The following CPA6 variants were observed in gnomAD, a reference collection of about 807,000 sequenced individuals.
CPA6 encodes the protein carboxypeptidase B.
CPA6 carries 58 observed loss-of-function variants against 63.3 expected under a neutral mutation model. The ratio of observed to expected loss-of-function variants is 0.92; its 90% CI spans 0.74 to 1.14. The LOEUF (loss-of-function observed/expected upper bound fraction) is 1.14, where lower values mean the gene tolerates loss of function less well. Among genes scored for constraint, CPA6 ranks in the 50% most tolerant of loss-of-function variants. The pLI is 0.00. For synonymous variants in CPA6, 185 were observed against 179.0 expected, an observed-to-expected ratio of 1.03 and a Z score of -0.27; for missense variants, 565 against 526.6, an observed-to-expected ratio of 1.07 and a Z score of -0.71.
In CPA6 at chr8:67,687,486, C is replaced by A. The variant is rs188486918; in HGVS notation, c.116+58528G>T. Among the ~76,000 whole-genome samples the A allele has an allele frequency of 3.3e-5, 5 of 152,272 alleles. No homozygotes were observed. The East Asian group carries it at 9.6e-4, about 29-fold the overall frequency. On this transcript the variant is annotated intron_variant, in intron 1 of 10. Coordinates refer to ENST00000297770, the MANE Select transcript of CPA6 (RefSeq NM_020361.5). ...GGTCAGGCAGACATGGACTCATATG[C>A]AATTTTTGCTGTTTATCAGTCCTGG...
At chr8:67,503,643 T>C (rs1811873204) in intron 6 of CPA6, among the ~76,000 whole-genome samples, 1 of 152,060 alleles carries the variant, frequency 6.6e-6, no homozygotes, top group Admixed American at 6.6e-5. Flanking sequence ...CCATTAGTTA[T>C]TTAAAAATAC....
At chr8:67,561,793 G>T (rs776516868) in intron 2 of CPA6, among the ~76,000 whole-genome samples, 1 of 152,186 alleles carries the variant, frequency 6.6e-6, no homozygotes, top group Non-Finnish European at 1.5e-5. Flanking sequence ...AAAGAATTCA[G>T]CATGATGGGG....
At chr8:67,458,387 G>A (rs1037706328) in intron 8 of CPA6, among the ~76,000 whole-genome samples, 2 of 152,038 alleles carry the variant, frequency 1.3e-5, no homozygotes, top group African/African-American at 4.8e-5. Flanking sequence ...TAGTAGAGAT[G>A]GGGTTTCACC....
At chr8:67,451,645 G>A (rs759421610) in intron 8 of CPA6, among the ~76,000 whole-genome samples, 1 of 152,130 alleles carries the variant, frequency 6.6e-6, no homozygotes, top group African/African-American at 2.4e-5. Flanking sequence ...CTGGTCCCTG[G>A]TGCCACAAAG....
chr8:67,676,916 A>C (rs1291520815), intron 1 of CPA6, among the ~76,000 whole-genome samples: 1 of 152,142 alleles, frequency 6.6e-6, no homozygotes, highest in African/African-American at 2.4e-5. Context: ...CTTCCTCAAA[A>C]CTTGGGAAAA....
intron 2 of CPA6, among the ~76,000 whole-genome samples, chr8:67,609,051 T>C (rs1277580526): frequency 6.6e-6 from 1 of 152,224 alleles, no homozygotes; most frequent in Non-Finnish European, 1.5e-5. Flanking sequence ...TGTACATGTG[T>C]CACTCTATGG....
At chr8:67,595,551 C>A (rs1053102032) in intron 2 of CPA6, among the ~76,000 whole-genome samples, 3 of 152,202 alleles carry the variant, frequency 2.0e-5, no homozygotes, top group African/African-American at 7.2e-5. Flanking sequence ...TCGAGCTTCC[C>A]GGCTGCTTTG....
chr8:67,709,412 T>C (rs1817205361), intron 1 of CPA6, among the ~76,000 whole-genome samples: 1 of 152,254 alleles, frequency 6.6e-6, no homozygotes, highest in South Asian at 2.1e-4. Context: ...CTCTGCCTTA[T>C]GTCCCTTGGA....
intron 2 of CPA6, among the ~76,000 whole-genome samples, chr8:67,540,097 T>C (rs1381237812): frequency 6.6e-6 from 1 of 152,186 alleles, no homozygotes; most frequent in Non-Finnish European, 1.5e-5. Context: ...TTTTGGAATT[T>C]TCAGCTTTTT....
At chr8:67,592,355 G>T (rs1483206319) in intron 2 of CPA6, among the ~76,000 whole-genome samples, 13 of 152,066 alleles carry the variant, frequency 8.5e-5, no homozygotes, top group African/African-American at 1.7e-4. Context: ...TCTCTTTTTT[G>T]GTTGTGTCTC....
At chr8:67,667,182 G>A (rs1816249660) in intron 1 of CPA6, among the ~76,000 whole-genome samples, 1 of 152,182 alleles carries the variant, frequency 6.6e-6, no homozygotes, top group Non-Finnish European at 1.5e-5. Flanking sequence ...TGACCTTTGA[G>A]AAAGAAATCA....
At position 67,484,675 on chromosome 8, in the gene CPA6, T is replaced by C. The variant is rs1811436335; in HGVS notation, c.747+4A>G. 1 of 1,479,232 alleles carries C rather than the reference T, an allele frequency of 6.8e-7. No individual in the cohort carries two copies. Among genetic ancestry groups the C allele is most frequent in the Admixed American group, 1.7e-5 (1 of 58,546 alleles). 91.6% of individuals were successfully genotyped at this position (1,479,232 alleles called of 1,614,324 possible). On this transcript the variant is annotated splice_donor_region_variant and intron_variant, in intron 7 of 10. Transcript: ENST00000297770. The stretch of plus-strand genomic sequence containing the variant: ...TTTTCAACTGGGTAGGCAAAGTGAC[T>C]TACATTGGTCCAACTAAAATGGTAT...
At chr8:67,631,626 A>C (rs572096896) in intron 1 of CPA6, among the ~76,000 whole-genome samples, 4 of 152,224 alleles carry the variant, frequency 2.6e-5, no homozygotes, top group Admixed American at 6.5e-5. Context: ...AGGGAATAAA[A>C]GCAGGCTGTG....
intron 6 of CPA6, among the ~76,000 whole-genome samples, chr8:67,498,075 G>GGTTTAAGT (rs1811758734): frequency 6.6e-6 from 1 of 151,992 alleles, no homozygotes; most frequent in Non-Finnish European, 1.5e-5. Flanking sequence ...CCCATTCTCA[G>GGTTTAAGT]GTTTAAGTCT....
intron 9 of CPA6, among the ~76,000 whole-genome samples, chr8:67,431,871 G>A (rs16933301): frequency 0.017 from 2,512 of 152,206 alleles, 25 homozygotes; most frequent in East Asian, 0.062. Context: ...CCCTCCACAA[G>A]TCTTAGACAT....
At chr8:67,607,248 T>C (rs192046511) in intron 2 of CPA6, among the ~76,000 whole-genome samples, 1,616 of 83,342 alleles carry the variant, frequency 0.019, 178 homozygotes, top group African/African-American at 0.036. Context: ...TTCTTCTTCT[T>C]CTTCTCCTCC....
At chr8:67,598,025 C>T (rs1814391225) in intron 2 of CPA6, among the ~76,000 whole-genome samples, 1 of 152,106 alleles carries the variant, frequency 6.6e-6, no homozygotes, top group Non-Finnish European at 1.5e-5. Flanking sequence ...TTTTTCTGGA[C>T]CATTGAGATG....
At chr8:67,478,330 C>A (rs1475593049) in intron 8 of CPA6, among the ~76,000 whole-genome samples, 1 of 152,146 alleles carries the variant, frequency 6.6e-6, no homozygotes, top group Non-Finnish European at 1.5e-5. Context: ...TTATCTGTAT[C>A]CTTTATAATA....
intron 2 of CPA6, among the ~76,000 whole-genome samples, chr8:67,552,969 G>A (rs1333637292): frequency 6.6e-6 from 1 of 151,972 alleles, no homozygotes; most frequent in African/African-American, 2.4e-5. Flanking sequence ...TATAATTTAT[G>A]AAGCTGTGAA....
Sources: gnomAD v4.1 joint callset for allele counts (sites outside exome capture counted in the v4.1 genomes callset) on GRCh38, gnomAD v4.1.1 for gene constraint, MANE v1.5 for transcripts, NCBI Gene and HGNC (gene_info 2026-07-23, HGNC 2026-07-21) for gene names.